The following MZT2A variants were observed in gnomAD, a reference collection of about 807,000 sequenced individuals.
MZT2A encodes the protein mitotic spindle organizing protein 2A.
MZT2A carries 8 observed loss-of-function variants against 12.4 expected under a neutral mutation model. The ratio of observed to expected loss-of-function variants is 0.64; its 90% CI spans 0.38 to 1.16. The LOEUF is 1.16. Ranked by LOEUF, MZT2A falls within the 50% of genes most tolerant of loss-of-function variation. The pLI, the probability that MZT2A is intolerant of heterozygous loss-of-function variation, is 0.01. For synonymous variants in MZT2A, 88 were observed against 107.5 expected (o/e 0.82, Z 1.12); for missense variants, 181 against 223.6 (o/e 0.81, Z 1.22).
downstream of MZT2A, chr2:131,482,436 G>C (rs1228163620): frequency 6.9e-7 from 1 of 1,451,522 alleles, no homozygotes; most frequent in East Asian, 2.4e-5. Flanking sequence ...CGTTTGTGAG[G>C]TGAACTGAGC....
chr2:131,476,016 C>A, intron 2 of MZT2A: 1 of 1,124,142 alleles, frequency 8.9e-7, no homozygotes, highest in Non-Finnish European at 1.3e-6. Context: ...TGAGCAATGG[C>A]CAATCAGAAC....
At chr2:131,476,187 A>C in intron 2 of MZT2A, 1 of 1,613,972 alleles carries the variant, frequency 6.2e-7, no homozygotes, top group Non-Finnish European at 8.5e-7. Flanking sequence ...GGGCTGAAGC[A>C]GCGGAGTTCG....
upstream of MZT2A, chr2:131,492,817 T>C: frequency 1.7e-5 from 25 of 1,441,210 alleles, no homozygotes; most frequent in Non-Finnish European, 2.3e-5. Flanking sequence ...CAACCCTGCT[T>C]ACGCGCACGC....
downstream of MZT2A, among the ~76,000 whole-genome samples, chr2:131,480,915 T>C (rs1678842504): frequency 6.6e-6 from 1 of 152,088 alleles, no homozygotes; most frequent in South Asian, 2.1e-4. Flanking sequence ...GATTTCTTTT[T>C]TTTTTTTTGA....
intron 2 of MZT2A, chr2:131,489,844 G>T: frequency 1.0e-6 from 1 of 960,816 alleles, no homozygotes; most frequent in Non-Finnish European, 1.2e-6. Context: ...CCTCTCACTG[G>T]ACTGAGTGTG....
At chr2:131,478,682 G>T (rs1202560734) in intron 2 of MZT2A, 1 of 525,412 alleles carries the variant, frequency 1.9e-6, no homozygotes, top group African/African-American at 1.9e-5. Flanking sequence ...TGCCTGCAGG[G>T]TGCAGTGGCA....
upstream of MZT2A, chr2:131,492,499 C>CG (rs1679380721): frequency 9.7e-6 from 11 of 1,129,122 alleles, no homozygotes; most frequent in South Asian, 4.2e-5. Context: ...GCGGCGGGAG[C>CG]GCGGGGACGG....
At chr2:131,476,347 G>C in intron 2 of MZT2A, 2 of 1,434,728 alleles carry the variant, frequency 1.4e-6, no homozygotes, top group Non-Finnish European at 1.9e-6. Context: ...GAGGACACGG[G>C]ATCGTTTCCT....
chr2:131,477,048 T>C (rs1284369004), intron 2 of MZT2A, among the ~76,000 whole-genome samples: 1 of 150,648 alleles, frequency 6.6e-6, no homozygotes, highest in East Asian at 1.9e-4. Context: ...TTTTTTTTTT[T>C]TGAGACAGCA....
rs1679260324 is a variant in MZT2A, at chr2:131,490,748, A to G, written c.319+1128T>C. 2.6e-6 allele frequency: 4 copies of G among 1,542,670 alleles called. No homozygotes were observed. In the Admixed American group the frequency reaches 7.9e-5, roughly 30 times the overall value. On this transcript the variant is annotated intron_variant, in intron 2 of 2. Coordinates refer to ENST00000309451, the MANE Select transcript of MZT2A (RefSeq NM_001085365.2). ...AGAGAACAGGCAGCAAGAGAGGCGG[A>G]GGGAACCCGGGGGGCCTGGAGAGAG...
At chr2:131,483,434 CTG>C (rs1488358144), downstream of MZT2A, among the ~76,000 whole-genome samples, 1 of 152,208 alleles carries the variant, frequency 6.6e-6, no homozygotes, top group Non-Finnish European at 1.5e-5. Context: ...CGTTCGCCCT[CTG>C]TGCGTACACA....
At chr2:131,490,302 G>A (rs1679235532) in intron 2 of MZT2A, 1 of 1,024,990 alleles carries the variant, frequency 9.8e-7, no homozygotes, top group Non-Finnish European at 1.2e-6. Context: ...CTGGGAAGGT[G>A]GGAGTCTCTG....
chr2:131,493,198 C>G, upstream of MZT2A: 3 of 1,390,750 alleles, frequency 2.2e-6, no homozygotes, highest in Non-Finnish European at 2.8e-6. Context: ...CTTCCGCGAG[C>G]CCCTGCGGAG....
rs1277472455 is a variant in MZT2A at position 131,484,053 on chromosome 2, G to C, written c.*8C>G. ...GGGGACAAAGATGTGACAAGTCTCT[G>C]CCCCATCCTAGGTGCTGCCCTGCGT... is the stretch of plus-strand genomic sequence containing the variant. On this transcript the variant is annotated 3_prime_UTR_variant, in exon 3 of 3. Transcript: ENST00000309451. 7 of 1,599,844 alleles carry C rather than the reference G, an allele frequency of 4.4e-6. No individual in the cohort carries two copies. In the East Asian group the frequency reaches 1.3e-4, roughly 31 times the overall value.
chr2:131,491,415 G>A, intron 2 of MZT2A: 1 of 278,786 alleles, frequency 3.6e-6, no homozygotes, highest in South Asian at 4.0e-5. Context: ...GTATACCACA[G>A]GACAGAGATC....
upstream of MZT2A, chr2:131,492,470 C>T (rs1405916361): frequency 5.2e-6 from 6 of 1,158,442 alleles, no homozygotes; most frequent in Non-Finnish European, 6.3e-6. Flanking sequence ...GTCTGGCCTC[C>T]CGGGCTGCCC....
At chr2:131,492,470 C>G, upstream of MZT2A, 2 of 1,158,552 alleles carry the variant, frequency 1.7e-6, no homozygotes, top group Non-Finnish European at 2.1e-6. Context: ...GTCTGGCCTC[C>G]CGGGCTGCCC....
At chr2:131,475,201 GA>G (rs1307118903) in intron 2 of MZT2A, among the ~76,000 whole-genome samples, 1 of 151,348 alleles carries the variant, frequency 6.6e-6, no homozygotes, top group Non-Finnish European at 1.5e-5. Context: ...GGCTGGTCTT[GA>G]ACTCCTGACC....
chr2:131,476,244 A>T (rs774831551), intron 2 of MZT2A: 6 of 1,613,768 alleles, frequency 3.7e-6, no homozygotes, highest in Non-Finnish European at 5.1e-6. Context: ...GCCCAGGCAG[A>T]CGAAGTTGGC....
Sources: allele counts gnomAD v4.1 joint callset (sites outside exome capture counted in the v4.1 genomes callset), GRCh38; gene constraint gnomAD v4.1.1; transcripts MANE v1.5; gene names NCBI Gene and HGNC (gene_info 2026-07-23, HGNC 2026-07-21).